PRKAR1B: variants seen among roughly 807,000 people sequenced by gnomAD.
PRKAR1B encodes the protein protein kinase cAMP-dependent type I regulatory subunit beta, also known as cAMP-dependent protein kinase type I-beta regulatory subunit.
In PRKAR1B, 22 loss-of-function variants were observed where a neutral mutation model predicts 46.5. The ratio of observed to expected loss-of-function variants is 0.47; its 90% CI spans 0.34 to 0.68. The LOEUF is 0.68. Among genes scored for constraint, PRKAR1B ranks in the 30% least tolerant of loss-of-function variants. The pLI, the probability that PRKAR1B is intolerant of heterozygous loss-of-function variation, is 0.01. For missense variants in PRKAR1B, 445 were observed against 535.6 expected, an observed-to-expected ratio of 0.83 and a Z score of 1.67; for synonymous variants, 259 against 217.7, an observed-to-expected ratio of 1.19 and a Z score of -1.67.
At chr7:677,515 C>T (rs1778402882) in intron 3 of PRKAR1B, among the ~76,000 whole-genome samples, 195 bp from the exon 4 acceptor site, 1 of 152,232 alleles carries the variant, frequency 6.6e-6, no homozygotes. Flanking sequence ...CAGCCTCAAC[C>T]TCCTGGGCTC....
In PRKAR1B at chr7:560,953, G is replaced by T. The variant is rs982968859; in HGVS notation, c.892-9483C>A. ...TCACTCCAGTGCCTTTACGTTTCCT[G>T]TGCACACATTTCCTGCCTGTGTGCT... On this transcript the variant is annotated intron_variant, in intron 9 of 10. Transcript: ENST00000537384. The surrounding 1 kb of genome is among the most constrained non-coding windows in gnomAD (Gnocchi z 4.2). 2.3e-4 allele frequency among the ~76,000 whole-genome samples: 35 copies of T among 152,174 alleles called. No homozygotes were observed. Among genetic ancestry groups the T allele is most frequent in the African/African-American group, 8.4e-4 (35 of 41,424 alleles).
chr7:635,298 T>C (rs1050055568), intron 4 of PRKAR1B, among the ~76,000 whole-genome samples: 14 of 152,148 alleles, frequency 9.2e-5, no homozygotes, highest in Admixed American at 2.6e-4. Context: ...CTTCCACATC[T>C]CAGGACCAGA....
intron 9 of PRKAR1B, among the ~76,000 whole-genome samples, chr7:573,069 G>A (rs894984801): frequency 6.6e-6 from 1 of 152,106 alleles, no homozygotes; most frequent in African/African-American, 2.4e-5. Context: ...TGGCCGCCCT[G>A]GACGTGCGGT....
At chr7:554,545 T>C (rs748198691) in intron 9 of PRKAR1B, among the ~76,000 whole-genome samples, 3 of 152,154 alleles carry the variant, frequency 2.0e-5, no homozygotes, top group Non-Finnish European at 4.4e-5. Context: ...AAAACCCAAA[T>C]TGAGGCTGGT....
intron 2 of PRKAR1B, among the ~76,000 whole-genome samples, chr7:691,215 A>C (rs1347557152): frequency 1.3e-5 from 2 of 150,138 alleles, no homozygotes; most frequent in African/African-American, 4.9e-5. Context: ...GTGCCCACTC[A>C]AACTGGCCAG....
At chr7:679,402 G>A (rs563061359) in intron 3 of PRKAR1B, among the ~76,000 whole-genome samples, 5 of 152,332 alleles carry the variant, frequency 3.3e-5, no homozygotes, top group South Asian at 2.1e-4. Context: ...GGCATTCTGC[G>A]GAGCATCCCG....
chr7:599,226 G>A (rs1173674193), intron 6 of PRKAR1B, among the ~76,000 whole-genome samples: 1 of 152,202 alleles, frequency 6.6e-6, no homozygotes, highest in South Asian at 2.1e-4. Context: ...CACCACTCCC[G>A]GCGCAGTGCG....
intron 9 of PRKAR1B, among the ~76,000 whole-genome samples, chr7:573,218 C>T (rs929595000): frequency 6.6e-6 from 1 of 152,206 alleles, no homozygotes; most frequent in Admixed American, 6.5e-5. Flanking sequence ...CCAAGGAGAC[C>T]CTTTCAAATA....
intron 2 of PRKAR1B, among the ~76,000 whole-genome samples, chr7:684,863 C>T (rs1205982421): frequency 1.3e-5 from 2 of 148,794 alleles, no homozygotes; most frequent in Admixed American, 6.6e-5. Flanking sequence ...TCACCTCCAC[C>T]CACTTCACAC....
At chr7:579,727 C>G (rs1337156341) in intron 8 of PRKAR1B, among the ~76,000 whole-genome samples, 1 of 152,210 alleles carries the variant, frequency 6.6e-6, no homozygotes, top group Non-Finnish European at 1.5e-5. Flanking sequence ...TTTGTTACTT[C>G]AAAAGAATAG....
At chr7:713,446 G>GTCTCCCACTCACCCGTACACACCA (rs563260293) in intron 1 of PRKAR1B, among the ~76,000 whole-genome samples, 1 of 151,710 alleles carries the variant, frequency 6.6e-6, no homozygotes, top group Non-Finnish European at 1.5e-5. Flanking sequence ...ATCTTCACCT[G>GTCTCCCACTCACCCGTACACACCA]TCTCCCACTC....
At chr7:682,217 C>T (rs557867321) in intron 2 of PRKAR1B, among the ~76,000 whole-genome samples, 2 of 152,196 alleles carry the variant, frequency 1.3e-5, no homozygotes, top group South Asian at 4.1e-4. Flanking sequence ...TGCTGTGTGA[C>T]CCTGAGTAAG....
intron 2 of PRKAR1B, among the ~76,000 whole-genome samples, chr7:692,436 G>A (rs888154080): frequency 6.6e-6 from 1 of 152,068 alleles, no homozygotes; most frequent in African/African-American, 2.4e-5. Flanking sequence ...GACAGAGAGA[G>A]AGAGAGAGAA....
chr7:656,946 T>A (rs1470775529), intron 4 of PRKAR1B, among the ~76,000 whole-genome samples: 2 of 150,266 alleles, frequency 1.3e-5, no homozygotes, highest in Non-Finnish European at 3.0e-5. Flanking sequence ...AGTGAACGAA[T>A]GAATGGATGC....
intron 2 of PRKAR1B, among the ~76,000 whole-genome samples, chr7:686,421 T>C (rs1387464804): frequency 6.6e-6 from 1 of 152,170 alleles, no homozygotes; most frequent in East Asian, 1.9e-4. Context: ...AAAATGGTGA[T>C]ACAACTATAC....
At chr7:690,411 G>A (rs73047917) in intron 2 of PRKAR1B, among the ~76,000 whole-genome samples, 18,632 of 151,652 alleles carry the variant, frequency 0.12, 1,225 homozygotes, top group South Asian at 0.24. Context: ...GCATCACGCC[G>A]CATCCCCACG....
intron 4 of PRKAR1B, among the ~76,000 whole-genome samples, chr7:672,884 A>T (rs992998259): frequency 4.6e-5 from 7 of 151,020 alleles, no homozygotes; most frequent in Middle Eastern, 6.8e-3. Flanking sequence ...AGAAAAAATA[A>T]TTTTTTTTTA....
At chr7:669,867 A>ATTTTT (rs570284003) in intron 4 of PRKAR1B, among the ~76,000 whole-genome samples, 3 of 131,446 alleles carry the variant, frequency 2.3e-5, no homozygotes, top group East Asian at 2.2e-4. Flanking sequence ...CACGTGCCAT[A>ATTTTT]TTTTTTTTTT....
chr7:699,792 C>G (rs1253376221), intron 2 of PRKAR1B, among the ~76,000 whole-genome samples: 1 of 152,088 alleles, frequency 6.6e-6, no homozygotes, highest in Non-Finnish European at 1.5e-5. Context: ...CCCCGTGAGG[C>G]AGGAAGGAGC....
Sources: gnomAD v4.1 joint callset for allele counts (sites outside exome capture counted in the v4.1 genomes callset) on GRCh38, gnomAD v4.1.1 for gene constraint, Gnocchi (gnomAD v3.1) non-coding constraint, MANE v1.5 for transcripts, NCBI Gene and HGNC (gene_info 2026-07-23, HGNC 2026-07-21) for gene names.